The following SPAG16 variants were observed in gnomAD, a reference collection of about 807,000 sequenced individuals.
SPAG16 encodes sperm associated antigen 16.
Under a neutral mutation model 80.4 loss-of-function variants are expected in SPAG16, and 86 were observed. The ratio of observed to expected loss-of-function variants is 1.07; its 90% CI spans 0.90 to 1.28. SPAG16 has a LOEUF of 1.28. Ranked by LOEUF, SPAG16 falls within the 50% of genes most tolerant of loss-of-function variation. The probability of loss-of-function intolerance (pLI) is 0.00; values close to 1 mark genes in which losing one functional copy is unlikely to be tolerated. For missense variants in SPAG16, 870 were observed against 765.3 expected, an observed-to-expected ratio of 1.14 and a Z score of -1.61; for synonymous variants, 294 against 265.9, an observed-to-expected ratio of 1.11 and a Z score of -1.03.
chr2:213,921,356 T>G (rs971020038), intron 11 of SPAG16, among the ~76,000 whole-genome samples: 8 of 152,198 alleles, frequency 5.3e-5, no homozygotes, highest in Non-Finnish European at 2.9e-5. Context: ...TGTTTGTTGT[T>G]GTTGTTGTTG....
intron 13 of SPAG16, among the ~76,000 whole-genome samples, chr2:214,059,208 A>ATATATG (rs71394385): frequency 1.1e-5 from 1 of 88,098 alleles, no homozygotes; most frequent in Non-Finnish European, 2.2e-5. Context: ...ATATATATAT[A>ATATATG]TATATATGTA....
chr2:213,330,882 T>C (rs531540477), intron 5 of SPAG16, among the ~76,000 whole-genome samples: 9 of 152,272 alleles, frequency 5.9e-5, no homozygotes, highest in Admixed American at 2.6e-4. Context: ...GATTTGATGG[T>C]TTTAAAAAGG....
At chr2:213,993,637 A>C (rs1323785380) in intron 12 of SPAG16, among the ~76,000 whole-genome samples, 1 of 152,196 alleles carries the variant, frequency 6.6e-6, no homozygotes, top group Non-Finnish European at 1.5e-5. Flanking sequence ...AGATTTGCTT[A>C]ATAGGAAAAC....
At chr2:213,526,278 A>G (rs571848277) in intron 10 of SPAG16, among the ~76,000 whole-genome samples, 1 of 152,316 alleles carries the variant, frequency 6.6e-6, no homozygotes, top group African/African-American at 2.4e-5. Context: ...GTATTTACAC[A>G]ATATGACTAT....
rs1373744488 is a variant in SPAG16, at chr2:213,330,671, G to T, written c.537-9492G>T. On this transcript the variant is annotated intron_variant, in intron 5 of 15. Transcript: ENST00000331683. ...TAATGCTGAAAAGAGTTAAGATTTTGGGGGACTGTTGGGAAGGCATTATTG... is the reference window on the plus strand; with the variant it reads ...TAATGCTGAAAAGAGTTAAGATTTTTGGGGACTGTTGGGAAGGCATTATTG... 2.6e-5 allele frequency among the ~76,000 whole-genome samples: 4 copies of T among 152,132 alleles called. No homozygotes were observed. The East Asian group carries it at 5.8e-4, about 22-fold the overall frequency.
intron 10 of SPAG16, among the ~76,000 whole-genome samples, chr2:213,577,659 G>T (rs2060173476): frequency 6.6e-6 from 1 of 152,084 alleles, no homozygotes; most frequent in South Asian, 2.1e-4. Context: ...ATGTTACTCT[G>T]ATATTAGTCA....
chr2:213,949,035 T>C (rs527832811), intron 12 of SPAG16, among the ~76,000 whole-genome samples: 1 of 152,238 alleles, frequency 6.6e-6, no homozygotes, highest in East Asian at 1.9e-4. Context: ...TCTGAGTACT[T>C]TTTGAAACTT....
chr2:213,527,184 A>T (rs2075915720), intron 10 of SPAG16, among the ~76,000 whole-genome samples: 1 of 152,200 alleles, frequency 6.6e-6, no homozygotes, highest in South Asian at 2.1e-4. Context: ...GATGCTACTG[A>T]TGTAAAGTTT....
rs370229640 is a variant in SPAG16 at position 213,423,764 on chromosome 2, A to T, written c.942+48645A>T. ...AAAATACTAAAGCCCAGGAAGTTTTATTAATTTTTGCCAGGTCATTCAGTC... is the reference window on the plus strand; with the variant it reads ...AAAATACTAAAGCCCAGGAAGTTTTTTTAATTTTTGCCAGGTCATTCAGTC... On this transcript the variant is annotated intron_variant, in intron 9 of 15. Transcript: ENST00000331683. 3.2e-4 allele frequency among the ~76,000 whole-genome samples: 48 copies of T among 152,282 alleles called. 1 individual carries two copies. Among genetic ancestry groups the T allele is most frequent in the African/African-American group, 1.1e-3 (46 of 41,580 alleles).
chr2:214,093,966 A>T (rs977557081), intron 13 of SPAG16, among the ~76,000 whole-genome samples: 3 of 152,016 alleles, frequency 2.0e-5, no homozygotes, highest in Non-Finnish European at 4.4e-5. Context: ...TCTCTACTGG[A>T]TCCTTATTAT....
chr2:213,313,642 A>G (rs2063292217), intron 4 of SPAG16, among the ~76,000 whole-genome samples: 1 of 151,832 alleles, frequency 6.6e-6, no homozygotes, highest in Admixed American at 6.6e-5. Context: ...AAAAATTAAT[A>G]AAGGTGCCTT....
chr2:213,325,695 C>A (rs1274175143), intron 5 of SPAG16, among the ~76,000 whole-genome samples: 1 of 151,046 alleles, frequency 6.6e-6, no homozygotes, highest in Non-Finnish European at 1.5e-5. Context: ...AAGTTTTAGT[C>A]CTATTTACAT....
intron 10 of SPAG16, among the ~76,000 whole-genome samples, chr2:213,768,836 T>C (rs1366150912): frequency 6.6e-6 from 1 of 152,070 alleles, no homozygotes; most frequent in Non-Finnish European, 1.5e-5. Context: ...CAAGTATGTA[T>C]CAGAGAGGAA....
intron 15 of SPAG16, among the ~76,000 whole-genome samples, chr2:214,163,576 GTATA>G (rs376431032): frequency 9.0e-6 from 1 of 110,866 alleles, no homozygotes; most frequent in Non-Finnish European, 2.2e-5. Context: ...ATGTGTGTGT[GTATA>G]TATATATACA....
chr2:214,149,394 T>TAAGA, intron 15 of SPAG16, 128 bp downstream of exon 15: 1 of 778,664 alleles, frequency 1.3e-6, no homozygotes, highest in Non-Finnish European at 1.8e-6. Flanking sequence ...TACATTATAT[T>TAAGA]ACATTACATT....
intron 15 of SPAG16, among the ~76,000 whole-genome samples, chr2:214,379,747 C>T (rs1700341802): frequency 6.6e-6 from 1 of 152,238 alleles, no homozygotes; most frequent in African/African-American, 2.4e-5. Context: ...AGCACAGTCA[C>T]ATTGATCATC....
chr2:214,338,407 G>T (rs13410509), intron 15 of SPAG16, among the ~76,000 whole-genome samples: 2 of 151,964 alleles, frequency 1.3e-5, no homozygotes, highest in Non-Finnish European at 1.5e-5. Context: ...CCAGCTACTC[G>T]GGAGGCTGAG....
At chr2:214,355,711 G>T (rs1434668519) in intron 15 of SPAG16, among the ~76,000 whole-genome samples, 1 of 151,864 alleles carries the variant, frequency 6.6e-6, no homozygotes, top group Non-Finnish European at 1.5e-5. Context: ...CTGCTATAAA[G>T]GCACATGCAC....
chr2:214,107,801 C>A (rs955833830), intron 13 of SPAG16, among the ~76,000 whole-genome samples: 3 of 152,062 alleles, frequency 2.0e-5, no homozygotes, highest in African/African-American at 4.8e-5. Flanking sequence ...AAAAGAGAGA[C>A]CCCACTGCCT....
Sources: gnomAD v4.1 joint callset for allele counts (sites outside exome capture counted in the v4.1 genomes callset) on GRCh38, gnomAD v4.1.1 for gene constraint, MANE v1.5 for transcripts, NCBI Gene and HGNC (gene_info 2026-07-23, HGNC 2026-07-21) for gene names.